The following DLG2 variants were observed in gnomAD, a reference collection of about 807,000 sequenced individuals.
DLG2 encodes the protein discs large MAGUK scaffold protein 2, also known as disks large homolog 2.
Under a neutral mutation model 132.5 loss-of-function variants are expected in DLG2, and 45 were observed. That is an observed-to-expected ratio of 0.34 (90% CI 0.27 to 0.44). The LOEUF (loss-of-function observed/expected upper bound fraction) is 0.44, where lower values mean the gene tolerates loss of function less well. Ranked by LOEUF, DLG2 falls within the 20% of genes least tolerant of loss-of-function variation. The pLI is 1.00. For synonymous variants in DLG2, 424 were observed against 419.6 expected (o/e 1.01, Z -0.13); for missense variants, 1,045 against 1,196.9 (o/e 0.87, Z 1.87).
intron 7 of DLG2, chr11:84,316,814 A>T: frequency 1.3e-6 from 2 of 1,595,506 alleles, no homozygotes; most frequent in Non-Finnish European, 1.7e-6. Flanking sequence ...AGTCATAAGG[A>T]AAAGGCTCAC....
At chr11:84,110,516 A>C (rs530346946) in intron 9 of DLG2, among the ~76,000 whole-genome samples, 2 of 152,204 alleles carry the variant, frequency 1.3e-5, no homozygotes, top group Non-Finnish European at 2.9e-5. Flanking sequence ...TGTTAGGGGA[A>C]ATGCTTGTGA....
intron 6 of DLG2, among the ~76,000 whole-genome samples, chr11:84,841,277 G>C (rs1340052079): frequency 6.6e-6 from 1 of 151,974 alleles, no homozygotes; most frequent in Non-Finnish European, 1.5e-5. Flanking sequence ...GGAGATCCCA[G>C]TTTTGCTGTG....
Position 84,141,978 on chromosome 11 carries a change from C to T in DLG2, c.624+21483G>A, listed in dbSNP as rs1002110099. 2.6e-5 allele frequency among the ~76,000 whole-genome samples: 4 copies of T among 151,930 alleles called. No homozygotes were observed. The East Asian group carries it at 7.7e-4, about 29-fold the overall frequency. Reference sequence around the variant, plus strand: ...TATTTTTGCTGTACCCCAAATATATCTGACTTTCCATCTTTCTAGCTCCAG... The same window carrying T: ...TATTTTTGCTGTACCCCAAATATATTTGACTTTCCATCTTTCTAGCTCCAG... On this transcript the variant is annotated intron_variant, in intron 9 of 27. Coordinates refer to ENST00000376104, the MANE Select transcript of DLG2 (RefSeq NM_001142699.3).
intron 18 of DLG2, among the ~76,000 whole-genome samples, chr11:83,778,719 G>T (rs189765207): frequency 6.6e-6 from 1 of 152,170 alleles, no homozygotes; most frequent in East Asian, 1.9e-4. Context: ...ATTACTCGAG[G>T]TCAAAAACTG....
At chr11:83,636,363 T>A (rs938342153) in intron 18 of DLG2, among the ~76,000 whole-genome samples, 2 of 152,132 alleles carry the variant, frequency 1.3e-5, no homozygotes. Context: ...TTTGAGTGAA[T>A]AAAAAATAAA....
intron 14 of DLG2, among the ~76,000 whole-genome samples, chr11:83,931,781 G>T (rs866550126): frequency 6.6e-6 from 1 of 152,066 alleles, no homozygotes; most frequent in African/African-American, 2.4e-5. Flanking sequence ...TTGGTGTTTG[G>T]AGCAGGCTTT....
chr11:84,021,901 C>T (rs548350352), intron 11 of DLG2, among the ~76,000 whole-genome samples: 1 of 152,194 alleles, frequency 6.6e-6, no homozygotes, highest in African/African-American at 2.4e-5. Flanking sequence ...GCATGTGCCA[C>T]CACACCTGGC....
intron 3 of DLG2, among the ~76,000 whole-genome samples, chr11:85,411,403 AAG>A (rs2152980274): frequency 6.6e-6 from 1 of 151,988 alleles, no homozygotes; most frequent in South Asian, 2.1e-4. Context: ...TAGACATTAT[AAG>A]AGAGGGTACT....
intron 18 of DLG2, among the ~76,000 whole-genome samples, chr11:83,727,093 T>G (rs2090148216): frequency 1.3e-5 from 2 of 152,238 alleles, no homozygotes; most frequent in South Asian, 4.1e-4. Flanking sequence ...AGATTCAGTG[T>G]TGTTTTAACA....
chr11:85,132,636 G>A, intron 5 of DLG2: 1 of 407,126 alleles, frequency 2.5e-6, no homozygotes, highest in Non-Finnish European at 5.1e-6. Flanking sequence ...GGAACAAAAT[G>A]CCCAGCAAAG....
At chr11:85,194,872 C>G (rs995573902) in intron 4 of DLG2, among the ~76,000 whole-genome samples, 12 of 152,128 alleles carry the variant, frequency 7.9e-5, no homozygotes, top group Non-Finnish European at 1.6e-4. Flanking sequence ...AATTATTGAG[C>G]ACTTACTATG....
chr11:84,620,002 A>T (rs925635183), intron 6 of DLG2, among the ~76,000 whole-genome samples: 7 of 151,758 alleles, frequency 4.6e-5, no homozygotes, highest in African/African-American at 4.8e-5. Context: ...ACACCTGAAG[A>T]AAAATAAAAT....
At chr11:85,125,788 TC>T in intron 5 of DLG2, among the ~76,000 whole-genome samples, 1 of 147,198 alleles carries the variant, frequency 6.8e-6, no homozygotes, top group South Asian at 2.1e-4. Flanking sequence ...TCAAGTACCT[TC>T]AATGTCCCAG....
chr11:83,701,704 G>T (rs1048942951), intron 18 of DLG2, among the ~76,000 whole-genome samples: 1 of 152,202 alleles, frequency 6.6e-6, no homozygotes, highest in African/African-American at 2.4e-5. Context: ...GCTTGAAAAG[G>T]CTTGAAATGT....
In DLG2 at chr11:84,585,190, C is replaced by G. The variant is rs779144987; in HGVS notation, c.358-50459G>C. Among the ~76,000 whole-genome samples the G allele has an allele frequency of 3.3e-5, 5 of 151,890 alleles. No individual in the cohort carries two copies. The South Asian group carries it at 1.0e-3, about 32-fold the overall frequency. On this transcript the variant is annotated intron_variant, in intron 6 of 27. Coordinates refer to ENST00000376104, the MANE Select transcript of DLG2 (RefSeq NM_001142699.3). The stretch of plus-strand genomic sequence containing the variant: ...TGAGATAGGAATTAATTTAATTTTT[C>G]GTATTATATATAATTGTCCCAGCAC...
chr11:83,514,598 G>A (rs376180969), intron 21 of DLG2, among the ~76,000 whole-genome samples: 1 of 152,130 alleles, frequency 6.6e-6, no homozygotes, highest in Non-Finnish European at 1.5e-5. Flanking sequence ...AGACATCCCT[G>A]TCTTGTGCCA....
intron 16 of DLG2, among the ~76,000 whole-genome samples, chr11:83,863,319 G>T (rs375909696): frequency 6.6e-6 from 1 of 152,082 alleles, no homozygotes; most frequent in Non-Finnish European, 1.5e-5. Context: ...GTTTTGGGGG[G>T]TGTAGAAAAC....
At chr11:84,958,906 A>C (rs896747612) in intron 6 of DLG2, among the ~76,000 whole-genome samples, 2 of 152,186 alleles carry the variant, frequency 1.3e-5, no homozygotes, top group Non-Finnish European at 2.9e-5. Context: ...CTGGTCTCCA[A>C]AAGAACTTTG....
At chr11:84,214,926 G>T (rs2096816047) in intron 8 of DLG2, among the ~76,000 whole-genome samples, 1 of 152,146 alleles carries the variant, frequency 6.6e-6, no homozygotes, top group Non-Finnish European at 1.5e-5. Flanking sequence ...ACATTTCAAT[G>T]CAAGTCTTGA....
Sources: allele counts gnomAD v4.1 joint callset (sites outside exome capture counted in the v4.1 genomes callset), GRCh38; gene constraint gnomAD v4.1.1; transcripts MANE v1.5; gene names NCBI Gene and HGNC (gene_info 2026-07-23, HGNC 2026-07-21).